Variants in CCDC30 observed in about 807,000 individuals in gnomAD.
CCDC30 encodes the protein coiled-coil domain-containing protein 30.
CCDC30 carries 70 observed loss-of-function variants against 100.2 expected under a neutral mutation model. The ratio of observed to expected loss-of-function variants is 0.70; its 90% CI spans 0.58 to 0.85. CCDC30 has a LOEUF of 0.85. CCDC30 is among the 40% of genes least tolerant of loss of function. CCDC30 has a pLI of 0.00. For synonymous variants in CCDC30, 233 were observed against 269.5 expected (o/e 0.86, Z 1.33); for missense variants, 652 against 771.2 (o/e 0.85, Z 1.83).
chr1:42,490,045 C>G, intron 3 of CCDC30, 113 bp from the exon 4 acceptor site: 1 of 382,944 alleles, frequency 2.6e-6, no homozygotes. Flanking sequence ...AGCAGAAACT[C>G]CTAGGACAGT....
chr1:42,493,673 A>G (rs746864787), intron 4 of CCDC30, among the ~76,000 whole-genome samples: 2 of 152,224 alleles, frequency 1.3e-5, no homozygotes, highest in African/African-American at 4.8e-5. Context: ...CAGAAAGAAC[A>G]ACATTGATAA....
At chr1:42,507,009 C>A (rs561841267) in intron 6 of CCDC30, among the ~76,000 whole-genome samples, 9 of 152,290 alleles carry the variant, frequency 5.9e-5, no homozygotes, top group Middle Eastern at 6.8e-3. Context: ...TCACTGCAAC[C>A]TCTGCCTCTC....
intron 7 of CCDC30, among the ~76,000 whole-genome samples, chr1:42,576,570 C>T (rs1419020933): frequency 6.6e-6 from 1 of 152,196 alleles, no homozygotes; most frequent in Admixed American, 6.5e-5. Flanking sequence ...ATAATACTCA[C>T]ATGTTGGGTA....
chr1:42,554,647 T>A (rs1475906561), intron 6 of CCDC30, among the ~76,000 whole-genome samples: 5 of 152,182 alleles, frequency 3.3e-5, no homozygotes, highest in Non-Finnish European at 7.3e-5. Context: ...CTGTGAAGCA[T>A]GCTGTGCTAG....
At chr1:42,538,554 C>T (rs1378578489) in intron 6 of CCDC30, among the ~76,000 whole-genome samples, 5 of 152,042 alleles carry the variant, frequency 3.3e-5, no homozygotes, top group Admixed American at 3.3e-4. Context: ...ATGATCACAC[C>T]TGTAAATAGC....
chr1:42,607,338 A>G (rs1646520750), intron 10 of CCDC30, among the ~76,000 whole-genome samples: 1 of 152,112 alleles, frequency 6.6e-6, no homozygotes, highest in African/African-American at 2.4e-5. Context: ...TAATTTTAGG[A>G]AGAGGTTTAG....
intron 6 of CCDC30, among the ~76,000 whole-genome samples, chr1:42,564,356 A>G (rs111458009): frequency 0.14 from 20,620 of 152,146 alleles, 1,530 homozygotes; most frequent in East Asian, 0.17. Flanking sequence ...TCTGTCACTC[A>G]GGCTGAAGTG....
chr1:42,654,673 C>G (rs1166184151), downstream of CCDC30: 1 of 146,956 alleles, frequency 6.8e-6, no homozygotes, highest in Non-Finnish European at 1.5e-5. Flanking sequence ...TCAAAAAAAG[C>G]AAAAAACAAA....
chr1:42,545,463 A>G (rs1320256888), intron 6 of CCDC30: 1 of 1,601,476 alleles, frequency 6.2e-7, no homozygotes, highest in Non-Finnish European at 8.5e-7. Flanking sequence ...CTCTAGGGGG[A>G]AAAACTGCAC....
At chr1:42,607,956 C>A (rs952057717) in intron 10 of CCDC30, among the ~76,000 whole-genome samples, 9 of 152,222 alleles carry the variant, frequency 5.9e-5, no homozygotes, top group Non-Finnish European at 1.3e-4. Flanking sequence ...CACATGAGTT[C>A]AACACCAAAG....
intron 1 of CCDC30, among the ~76,000 whole-genome samples, chr1:42,465,619 C>T (rs1172993677): frequency 6.6e-6 from 1 of 152,212 alleles, no homozygotes; most frequent in African/African-American, 2.4e-5. Context: ...CCCACCTCAG[C>T]CTCCCAAAGT....
intron 6 of CCDC30, among the ~76,000 whole-genome samples, chr1:42,550,055 A>G (rs1645218061): frequency 6.6e-6 from 1 of 151,822 alleles, no homozygotes; most frequent in Non-Finnish European, 1.5e-5. Flanking sequence ...CCTCCAAACT[A>G]TTTCTTCCCC....
chr1:42,578,978 C>T (rs190659898), intron 8 of CCDC30, among the ~76,000 whole-genome samples: 43 of 152,142 alleles, frequency 2.8e-4, no homozygotes, highest in African/African-American at 1.0e-3. Context: ...ACAGCCATTT[C>T]CCTAGAATTA....
At chr1:42,480,664 A>G in intron 2 of CCDC30, 98 bp downstream of exon 2, 1 of 966,332 alleles carries the variant, frequency 1.0e-6, no homozygotes, top group Non-Finnish European at 1.2e-6. Context: ...AAGAAATTGG[A>G]ACAAATCCAC....
At chr1:42,641,093 T>A (rs1444735906) in intron 12 of CCDC30, among the ~76,000 whole-genome samples, 6 of 151,962 alleles carry the variant, frequency 3.9e-5, no homozygotes, top group African/African-American at 1.4e-4. Flanking sequence ...CTGTTTCTAC[T>A]ATTTTATTTT....
At chr1:42,595,176 G>A (rs1646260993) in intron 10 of CCDC30, 1 of 152,114 alleles carries the variant, frequency 6.6e-6, no homozygotes, top group African/African-American at 2.4e-5. Context: ...CTAGATCCGA[G>A]TTATATATCA....
intron 6 of CCDC30, chr1:42,509,961 A>G (rs1294493968): frequency 7.1e-6 from 5 of 702,514 alleles, no homozygotes; most frequent in Non-Finnish European, 8.7e-6. Flanking sequence ...TAAGCAAAGC[A>G]TTTTAAGGTT....
chr1:42,583,771 C>T (rs1646014702), intron 9 of CCDC30, among the ~76,000 whole-genome samples: 1 of 152,124 alleles, frequency 6.6e-6, no homozygotes. Context: ...GTCTGTATGG[C>T]GTCATCTTTG....
intron 1 of CCDC30, among the ~76,000 whole-genome samples, chr1:42,467,503 G>T (rs1162624534): frequency 6.6e-6 from 1 of 152,198 alleles, no homozygotes; most frequent in Non-Finnish European, 1.5e-5. Context: ...TGGGTTTCTG[G>T]CTTGGGAAAC....
Sources: gnomAD v4.1 joint callset for allele counts (sites outside exome capture counted in the v4.1 genomes callset) on GRCh38, gnomAD v4.1.1 for gene constraint, MANE v1.5 for transcripts, NCBI Gene and HGNC (gene_info 2026-07-23, HGNC 2026-07-21) for gene names.